The following PLCB4 variants were observed in gnomAD, a reference collection of about 807,000 sequenced individuals.
The protein encoded by PLCB4 is 1-phosphatidylinositol 4,5-bisphosphate phosphodiesterase beta-4.
Under a neutral mutation model 178.8 loss-of-function variants are expected in PLCB4, and 77 were observed. The ratio of observed to expected loss-of-function variants is 0.43; its 90% confidence interval spans 0.36 to 0.52. The LOEUF is 0.52. Ranked by LOEUF, PLCB4 falls within the 20% of genes least tolerant of loss-of-function variation. The probability of loss-of-function intolerance (pLI) is 0.00; values close to 1 mark genes in which losing one functional copy is unlikely to be tolerated. For missense variants in PLCB4, 1,024 were observed against 1,453.4 expected (o/e 0.70, Z 4.80); for synonymous variants, 496 against 490.8 (o/e 1.01, Z -0.14).
intron 25 of PLCB4, among the ~76,000 whole-genome samples, chr20:9,411,933 C>G (rs917436374): frequency 1.1e-4 from 16 of 152,140 alleles, no homozygotes; most frequent in Admixed American, 2.6e-4. Flanking sequence ...CTGAACACTG[C>G]CAGTCAAGAT....
At chr20:9,336,920 A>G (rs989173471) in intron 4 of PLCB4, among the ~76,000 whole-genome samples, 6 of 152,152 alleles carry the variant, frequency 3.9e-5, no homozygotes, top group Non-Finnish European at 4.4e-5. Flanking sequence ...CTAGAGCAAG[A>G]TGTTTTATTA....
intron 2 of PLCB4, among the ~76,000 whole-genome samples, chr20:9,156,922 CT>C (rs2092802198): frequency 7.3e-6 from 1 of 136,506 alleles, no homozygotes; most frequent in South Asian, 2.5e-4. Flanking sequence ...ACTAGTTGAA[CT>C]AGATGGATCA....
chr20:9,115,987 G>A (rs546597581), intron 2 of PLCB4, among the ~76,000 whole-genome samples: 1 of 152,016 alleles, frequency 6.6e-6, no homozygotes, highest in Admixed American at 6.6e-5. Flanking sequence ...TATAATTTTA[G>A]TACTTTAACA....
chr20:9,471,706 C>G (rs2044203866), intron 36 of PLCB4, among the ~76,000 whole-genome samples: 1 of 152,142 alleles, frequency 6.6e-6, no homozygotes, highest in African/African-American at 2.4e-5. Flanking sequence ...AAGCTCCATT[C>G]CATAGGAGCA....
intron 2 of PLCB4, among the ~76,000 whole-genome samples, chr20:9,208,587 TG>T (rs1342638649): frequency 6.6e-6 from 1 of 152,094 alleles, no homozygotes; most frequent in Non-Finnish European, 1.5e-5. Context: ...TTGCCTAGGC[TG>T]GGGTGCAGTG....
chr20:9,163,169 T>C (rs1250338370), intron 2 of PLCB4, among the ~76,000 whole-genome samples: 1 of 151,954 alleles, frequency 6.6e-6, no homozygotes, highest in African/African-American at 2.4e-5. Context: ...ATGTAGAAAA[T>C]AATAAGAAAC....
chr20:9,204,546 A>G (rs1478316873), intron 2 of PLCB4, among the ~76,000 whole-genome samples: 2 of 151,872 alleles, frequency 1.3e-5, no homozygotes, highest in Non-Finnish European at 2.9e-5. Context: ...TATTTTTAGT[A>G]GAGACGGGGT....
chr20:9,443,164 T>G (rs1162249040), intron 30 of PLCB4, among the ~76,000 whole-genome samples: 3 of 152,186 alleles, frequency 2.0e-5, no homozygotes, highest in Non-Finnish European at 2.9e-5. Flanking sequence ...TATACACTGG[T>G]TTGATTTTAT....
chr20:9,092,898 A>G (rs761119394), intron 1 of PLCB4, among the ~76,000 whole-genome samples: 2 of 152,070 alleles, frequency 1.3e-5, no homozygotes, highest in Non-Finnish European at 2.9e-5. Flanking sequence ...TCATGTGGCT[A>G]TCCCTAGCTG....
chr20:9,331,139 C>T (rs1360123575), intron 4 of PLCB4, among the ~76,000 whole-genome samples: 3 of 152,166 alleles, frequency 2.0e-5, no homozygotes, highest in Non-Finnish European at 2.9e-5. Flanking sequence ...CACTACAAGG[C>T]CTGGATCTCA....
chr20:9,318,816 A>G (rs937227178), intron 4 of PLCB4, among the ~76,000 whole-genome samples: 4 of 152,234 alleles, frequency 2.6e-5, no homozygotes, highest in African/African-American at 9.6e-5. Flanking sequence ...CTCAAGTACT[A>G]CTGTACTATG....
At position 9,200,459 on chromosome 20, in the gene PLCB4, G is replaced by C. The variant is rs184563796; in HGVS notation, c.-78-16931G>C. Among the ~76,000 whole-genome samples the C allele has an allele frequency of 2.0e-5, 3 of 152,212 alleles. No individual in the cohort carries two copies. The South Asian group carries it at 6.2e-4, about 32-fold the overall frequency. ...TTCGGTGCTTTGTTCTTGCCCTGCC[G>C]TAGTCAGTTCTCCAAAAGACAAAGT... On this transcript the variant is annotated intron_variant, in intron 2 of 39. Transcript: ENST00000378473.
chr20:9,197,803 C>A (rs892153398), intron 2 of PLCB4, among the ~76,000 whole-genome samples: 7 of 152,098 alleles, frequency 4.6e-5, no homozygotes, highest in African/African-American at 1.7e-4. Flanking sequence ...TGGTGAAACC[C>A]CGTTTCTACT....
At chr20:9,148,193 T>C (rs1407228695) in intron 2 of PLCB4, among the ~76,000 whole-genome samples, 1 of 152,122 alleles carries the variant, frequency 6.6e-6, no homozygotes, top group Non-Finnish European at 1.5e-5. Context: ...ATTGGGCTCC[T>C]TCAATCCAAA....
intron 7 of PLCB4, among the ~76,000 whole-genome samples, chr20:9,346,354 G>A (rs1490868729): frequency 6.6e-6 from 1 of 152,194 alleles, no homozygotes; most frequent in Non-Finnish European, 1.5e-5. Flanking sequence ...TACTTGCAGA[G>A]GCCTTAAAGA....
At chr20:9,118,306 A>AT (rs1427581462) in intron 2 of PLCB4, among the ~76,000 whole-genome samples, 3,260 of 146,560 alleles carry the variant, frequency 0.022, 128 homozygotes, top group African/African-American at 0.076. Context: ...TATAATAATA[A>AT]AAAAAAAACA....
chr20:9,112,857 CTATAAT>C (rs1465757051), intron 2 of PLCB4, among the ~76,000 whole-genome samples: 5 of 141,148 alleles, frequency 3.5e-5, no homozygotes. Flanking sequence ...AAAGCTGTCT[CTATAAT>C]TATAACAATT....
chr20:9,307,932 C>A, intron 4 of PLCB4, 34 bp downstream of exon 4: 1 of 854,374 alleles, frequency 1.2e-6, no homozygotes, highest in Non-Finnish European at 1.9e-6. Flanking sequence ...TCTCTCAAAA[C>A]ATTCTAATAA....
At chr20:9,196,829 A>T (rs533750531) in intron 2 of PLCB4, among the ~76,000 whole-genome samples, 3 of 152,340 alleles carry the variant, frequency 2.0e-5, no homozygotes, top group Admixed American at 6.5e-5. Context: ...GTGTTATTTT[A>T]GAAATTTATC....
Sources: allele counts gnomAD v4.1 joint callset (sites outside exome capture counted in the v4.1 genomes callset), GRCh38; gene constraint gnomAD v4.1.1; transcripts MANE v1.5; gene names NCBI Gene and HGNC (gene_info 2026-07-23, HGNC 2026-07-21).